PLXDC2: variants seen among roughly 807,000 people sequenced by gnomAD.
The protein encoded by PLXDC2 is plexin domain containing 2.
In PLXDC2, 40 loss-of-function variants were observed where a neutral mutation model predicts 68.9. That is an observed-to-expected ratio of 0.58 (90% CI 0.45 to 0.76). The LOEUF (loss-of-function observed/expected upper bound fraction) is 0.76. Ranked by LOEUF, PLXDC2 falls within the 30% of genes least tolerant of loss-of-function variation. The probability of loss-of-function intolerance (pLI) is 0.00; values close to 1 mark genes in which losing one functional copy is unlikely to be tolerated. For missense variants in PLXDC2, 644 were observed against 661.9 expected, an observed-to-expected ratio of 0.97 and a Z score of 0.30; for synonymous variants, 243 against 234.2, an observed-to-expected ratio of 1.04 and a Z score of -0.34.
chr10:20,198,822 G>A (rs1176741960), intron 9 of PLXDC2, among the ~76,000 whole-genome samples: 2 of 152,094 alleles, frequency 1.3e-5, no homozygotes, highest in Admixed American at 6.6e-5. Flanking sequence ...ACACAAGGCA[G>A]AAAGCGATTA....
intron 1 of PLXDC2, among the ~76,000 whole-genome samples, chr10:19,933,992 T>A (rs17686251): frequency 0.049 from 7,465 of 152,284 alleles, 245 homozygotes; most frequent in Middle Eastern, 0.095. Flanking sequence ...TTGTCAATTC[T>A]TCTTGTTTTG....
intron 1 of PLXDC2, among the ~76,000 whole-genome samples, chr10:19,887,290 G>A (rs993471391): frequency 2.0e-5 from 3 of 152,172 alleles, no homozygotes; most frequent in African/African-American, 4.8e-5. Context: ...GGAGGCCGAG[G>A]CAGGTGGATC....
chr10:19,852,954 G>A (rs1224179048), intron 1 of PLXDC2, among the ~76,000 whole-genome samples: 2 of 152,150 alleles, frequency 1.3e-5, no homozygotes, highest in Non-Finnish European at 1.5e-5. Context: ...ATCATCACCA[G>A]GCTAAGTGAA....
In PLXDC2 at chr10:20,051,395, AATATATATATATATATATATATATATAT is replaced by A. The variant is rs57093355; in HGVS notation, c.471+4401_471+4428del. On this transcript the variant is annotated intron_variant, in intron 3 of 13. Coordinates refer to ENST00000377252, the MANE Select transcript of PLXDC2 (RefSeq NM_032812.9). ...ACTGCTGACCCTAAAATAAAGGTTA[AATATATATATATATATATATATATATAT>A]ATATATATATATATATATATGTGCT... is the stretch of plus-strand genomic sequence containing the variant. Among the ~76,000 whole-genome samples, 506 of 118,478 alleles carry A rather than the reference AATATATATATATATATATATATATATAT, an allele frequency of 4.3e-3. 4 individuals carry two copies. Among genetic ancestry groups the A allele is most frequent in the African/African-American group, 0.014 (472 of 33,546 alleles). 77.7% of individuals were successfully genotyped at this position (118,478 alleles called of 152,430 possible).
Position 19,816,908 on chromosome 10 carries a change from G to T in PLXDC2, c.-172G>T, listed in dbSNP as rs1836352608. 5.0e-6 allele frequency: 3 copies of T among 602,996 alleles called. No individual in the cohort carries two copies. The highest frequency in any genetic ancestry group is 8.8e-6 in the Non-Finnish European group (3 of 340,228). 37.4% of individuals were successfully genotyped at this position (602,996 alleles called of 1,614,324 possible). On this transcript the variant is annotated 5_prime_UTR_variant, in exon 1 of 14. Transcript: ENST00000377252. ...GAGCGCTGCGCTCCTACTCGCGTTC[G>T]CTTCTTCCTCTTCTCGGTTCCCTAC... is the stretch of plus-strand genomic sequence containing the variant.
chr10:19,961,040 C>T (rs1486025718), intron 1 of PLXDC2, among the ~76,000 whole-genome samples: 1 of 152,176 alleles, frequency 6.6e-6, no homozygotes, highest in Non-Finnish European at 1.5e-5. Flanking sequence ...ACGGCATGGG[C>T]TGTTTGAATT....
chr10:20,143,806 C>T (rs1235549084), intron 5 of PLXDC2, among the ~76,000 whole-genome samples: 1 of 151,972 alleles, frequency 6.6e-6, no homozygotes, highest in Non-Finnish European at 1.5e-5. Flanking sequence ...CATTAAATTT[C>T]CAAAACTTAT....
rs562119753 is a variant in PLXDC2 at position 20,001,849 on chromosome 10, C to T, written c.187C>T (p.His63Tyr). ...GGAAGTTGATTCACACGCGTACAGC[C>T]ACAGGTGGAAAAGAAACTTGGACTT... is the stretch of plus-strand genomic sequence containing the variant. ...EVEVDSHAYS[H>Y]RWKRNLDFLK... Residue 63 changes from histidine to tyrosine, a missense_variant, in exon 2 of 14, where the codon CAC becomes TAC. By Grantham distance (83) the His-to-Tyr change is moderately conservative. Around this residue, in one of 3 missense-constraint regions of PLXDC2, gnomAD observed 201 missense variants for 166.9 expected, o/e 1.20. Coordinates refer to ENST00000377252, the MANE Select transcript of PLXDC2 (RefSeq NM_032812.9). 7 of 1,613,992 alleles carry T rather than the reference C, an allele frequency of 4.3e-6. No homozygotes were observed. In the East Asian group the frequency reaches 1.6e-4, roughly 36 times the overall value.
rs191803218 is a variant in PLXDC2 at position 19,844,048 on chromosome 10, G to A, written c.112+26857G>A. On this transcript the variant is annotated intron_variant, in intron 1 of 13. Coordinates refer to ENST00000377252, the MANE Select transcript of PLXDC2 (RefSeq NM_032812.9). ...AATATGGCATGTATTCTGCAAATAC[G>A]TAAAATATTATGTATCTAAATAAAT... Among the ~76,000 whole-genome samples the A allele has an allele frequency of 4.6e-5, 7 of 152,086 alleles. No homozygotes were observed. In the East Asian group the frequency reaches 5.8e-4, roughly 13 times the overall value.
chr10:19,874,523 C>T (rs1294894776), intron 1 of PLXDC2, among the ~76,000 whole-genome samples: 1 of 152,132 alleles, frequency 6.6e-6, no homozygotes, highest in East Asian at 1.9e-4. Context: ...AGTAGGATCC[C>T]TGCCCTCAGT....
At chr10:20,172,764 A>G (rs1054814580) in intron 7 of PLXDC2, among the ~76,000 whole-genome samples, 7 of 152,176 alleles carry the variant, frequency 4.6e-5, no homozygotes, top group Middle Eastern at 3.2e-3. Context: ...CTTCATGCTT[A>G]CTCAAGTAAC....
rs182946383 is a variant in PLXDC2 at position 19,998,566 on chromosome 10, T to C, written c.113-3209T>C. On this transcript the variant is annotated intron_variant, in intron 1 of 13. Transcript: ENST00000377252. ...ACCAAAAGAAGCAACCAAAAGGATA[T>C]TCATGGATGCCAGGCCCTAAAGCTC... 1.1e-4 allele frequency among the ~76,000 whole-genome samples: 16 copies of C among 152,266 alleles called. 1 individual carries two copies. In the East Asian group the frequency reaches 3.1e-3, roughly 29 times the overall value.
intron 4 of PLXDC2, among the ~76,000 whole-genome samples, chr10:20,139,675 T>TA (rs1260330337): frequency 1.3e-5 from 2 of 152,202 alleles, no homozygotes; most frequent in Non-Finnish European, 2.9e-5. Flanking sequence ...TATGCAGCCA[T>TA]AAAAAAGGAT....
chr10:19,969,925 C>G (rs1042505794), intron 1 of PLXDC2, among the ~76,000 whole-genome samples: 2 of 152,154 alleles, frequency 1.3e-5, no homozygotes, highest in Non-Finnish European at 2.9e-5. Flanking sequence ...GTTCACTCAC[C>G]TCCACATTTT....
chr10:20,016,445 G>A (rs1012590904), intron 2 of PLXDC2, among the ~76,000 whole-genome samples: 1 of 152,198 alleles, frequency 6.6e-6, no homozygotes, highest in Non-Finnish European at 1.5e-5. Flanking sequence ...AAAATGAATA[G>A]TGAAGTAGAA....
chr10:19,912,731 G>A (rs1022692106), intron 1 of PLXDC2, among the ~76,000 whole-genome samples: 2 of 152,048 alleles, frequency 1.3e-5, no homozygotes, highest in Non-Finnish European at 2.9e-5. Context: ...ACTATATAAA[G>A]CCTATGAACA....
intron 1 of PLXDC2, among the ~76,000 whole-genome samples, chr10:19,908,509 A>G (rs908035988): frequency 2.0e-4 from 30 of 152,206 alleles, no homozygotes; most frequent in African/African-American, 7.2e-4. Context: ...GATTAAGAAC[A>G]TTCTTCTAAC....
intron 6 of PLXDC2, among the ~76,000 whole-genome samples, chr10:20,161,204 G>T (rs1834286295): frequency 6.6e-6 from 1 of 152,082 alleles, no homozygotes; most frequent in African/African-American, 2.4e-5. Context: ...TCAGCTTGCT[G>T]GTTCTACTGA....
intron 2 of PLXDC2, among the ~76,000 whole-genome samples, chr10:20,044,486 T>G (rs1366900293): frequency 6.6e-6 from 1 of 151,714 alleles, no homozygotes; most frequent in Non-Finnish European, 1.5e-5. Context: ...TTTTTTGTAT[T>G]TATAGCGGAG....
Sources: allele counts gnomAD v4.1 joint callset (sites outside exome capture counted in the v4.1 genomes callset), GRCh38; gene constraint gnomAD v4.1.1; regional missense constraint gnomAD v4.1.1; transcripts MANE v1.5; gene names NCBI Gene and HGNC (gene_info 2026-07-23, HGNC 2026-07-21).